The following CDH12 variants were observed in gnomAD, a reference collection of about 807,000 sequenced individuals.
CDH12 encodes the protein cadherin-12.
Under a neutral mutation model 74.1 loss-of-function variants are expected in CDH12, and 41 were observed. That is an observed-to-expected ratio of 0.55 (90% CI 0.43 to 0.72). The LOEUF (loss-of-function observed/expected upper bound fraction) is 0.72. Among genes scored for constraint, CDH12 ranks in the 30% least tolerant of loss-of-function variants. CDH12 has a pLI of 0.00. For synonymous variants in CDH12, 399 were observed against 355.0 expected, an observed-to-expected ratio of 1.12 and a Z score of -1.39; for missense variants, 945 against 977.2, an observed-to-expected ratio of 0.97 and a Z score of 0.44.
chr5:22,143,177 T>G (rs1746913806), intron 4 of CDH12: 1 of 152,268 alleles, frequency 6.6e-6, no homozygotes, highest in Admixed American at 6.6e-5. Context: ...TAGACCAAAA[T>G]AAGGCATCAT....
chr5:22,691,306 A>G (rs754954999), intron 1 of CDH12, among the ~76,000 whole-genome samples: 6 of 152,092 alleles, frequency 3.9e-5, no homozygotes, highest in Non-Finnish European at 7.4e-5. Flanking sequence ...AGATGATATT[A>G]CTATTAGTTA....
intron 4 of CDH12, among the ~76,000 whole-genome samples, chr5:22,092,551 A>C (rs1395413255): frequency 6.6e-6 from 1 of 152,212 alleles, no homozygotes; most frequent in East Asian, 1.9e-4. Flanking sequence ...ATGCAAATCG[A>C]AAACCACAGT....
chr5:21,754,656 C>T (rs113238547), intron 14 of CDH12, among the ~76,000 whole-genome samples: 5,338 of 152,216 alleles, frequency 0.035, 114 homozygotes, highest in Middle Eastern at 0.071. Flanking sequence ...CCTTTCATCT[C>T]ACTAATTATT....
At chr5:22,526,183 A>C (rs140743035) in intron 1 of CDH12, among the ~76,000 whole-genome samples, 82 of 152,248 alleles carry the variant, frequency 5.4e-4, no homozygotes, top group African/African-American at 1.9e-3. Context: ...AATTTGTGCA[A>C]AATAGAGGCT....
intron 3 of CDH12, among the ~76,000 whole-genome samples, chr5:22,250,533 G>A (rs1753101712): frequency 6.6e-6 from 1 of 152,192 alleles, no homozygotes; most frequent in Admixed American, 6.5e-5. Context: ...TTTGTTAGAT[G>A]TGGGTCACTA....
chr5:21,830,370 TTAAAAA>T (rs1432355917), intron 8 of CDH12, among the ~76,000 whole-genome samples: 1 of 151,870 alleles, frequency 6.6e-6, no homozygotes, highest in African/African-American at 2.4e-5. Context: ...AAGGAAAAAA[TTAAAAA>T]TAAACATCTT....
chr5:22,185,454 A>T (rs1361683602), intron 4 of CDH12, among the ~76,000 whole-genome samples: 1 of 152,160 alleles, frequency 6.6e-6, no homozygotes, highest in Non-Finnish European at 1.5e-5. Context: ...AAAACTATTT[A>T]TGCAGAAATG....
chr5:21,852,862 T>A (rs1177680705), intron 7 of CDH12, among the ~76,000 whole-genome samples: 1 of 151,378 alleles, frequency 6.6e-6, no homozygotes, highest in Non-Finnish European at 1.5e-5. Context: ...TGTCCATACT[T>A]CCATTTCTGG....
chr5:22,733,218 A>G (rs1056487567), intron 1 of CDH12, among the ~76,000 whole-genome samples: 4 of 151,938 alleles, frequency 2.6e-5, no homozygotes, highest in Non-Finnish European at 5.9e-5. Context: ...TAAGTAAAAA[A>G]TAATTTGTCA....
intron 1 of CDH12, among the ~76,000 whole-genome samples, chr5:22,557,143 T>C (rs1002023664): frequency 3.9e-5 from 6 of 152,110 alleles, no homozygotes; most frequent in South Asian, 2.1e-4. Context: ...CCCACTATAA[T>C]TTTTCTTTGA....
intron 6 of CDH12, among the ~76,000 whole-genome samples, chr5:21,967,593 T>C (rs1230395523): frequency 2.0e-5 from 3 of 152,202 alleles, no homozygotes; most frequent in Admixed American, 2.0e-4. Context: ...ATTTTTAACA[T>C]TTATTGCTGA....
rs915495374 is a variant in CDH12, at chr5:22,264,185, T to G, written c.-332-51542A>C. Among the ~76,000 whole-genome samples, 37 of 152,012 alleles carry G rather than the reference T, an allele frequency of 2.4e-4. 1 individual carries two copies. The highest frequency in any genetic ancestry group is 8.2e-4 in the African/African-American group (34 of 41,444). On this transcript the variant is annotated intron_variant, in intron 3 of 14. Transcript: ENST00000382254. The stretch of plus-strand genomic sequence containing the variant: ...GAGACAAAAATATATGAACTTACTT[T>G]ACATATATTTGATTGTGGTTTTTTT...
chr5:22,560,539 A>G (rs1271186732), intron 1 of CDH12, among the ~76,000 whole-genome samples: 2 of 152,172 alleles, frequency 1.3e-5, no homozygotes, highest in Non-Finnish European at 2.9e-5. Flanking sequence ...AAGCAAAAAT[A>G]TTAACAGCAA....
intron 5 of CDH12, among the ~76,000 whole-genome samples, chr5:22,012,596 T>C (rs1337567064): frequency 6.6e-6 from 1 of 152,156 alleles, no homozygotes; most frequent in Non-Finnish European, 1.5e-5. Flanking sequence ...AGAATTGTAA[T>C]AGAGTTTAGT....
chr5:22,247,649 T>C lies in CDH12; in HGVS notation c.-332-35006A>G, dbSNP rs571962786. On this transcript the variant is annotated intron_variant, in intron 3 of 14. Coordinates refer to ENST00000382254, the MANE Select transcript of CDH12 (RefSeq NM_004061.5). ...GAGATCACATCACTGCACTCCAGCC[T>C]GGGCGACAGAGTGAGACTCCGTCAA... Among the ~76,000 whole-genome samples the C allele has an allele frequency of 6.0e-5, 9 of 149,330 alleles. No individual in the cohort carries two copies. In the East Asian group the frequency reaches 1.8e-3, roughly 30 times the overall value.
intron 1 of CDH12, among the ~76,000 whole-genome samples, chr5:22,808,732 T>C (rs1204739913): frequency 6.8e-6 from 1 of 146,446 alleles, no homozygotes; most frequent in African/African-American, 2.5e-5. Flanking sequence ...AGCCTGTAGC[T>C]GAGACTACAG....
At chr5:22,273,583 A>G (rs1411364456) in intron 3 of CDH12, among the ~76,000 whole-genome samples, 1 of 152,168 alleles carries the variant, frequency 6.6e-6, no homozygotes, top group African/African-American at 2.4e-5. Context: ...TTGTTTCTGT[A>G]TGATTGATGA....
intron 1 of CDH12, among the ~76,000 whole-genome samples, chr5:22,577,313 G>A (rs1739845832): frequency 6.6e-6 from 1 of 152,150 alleles, no homozygotes; most frequent in South Asian, 2.1e-4. Flanking sequence ...TTAAATTATA[G>A]AACGGATAAG....
chr5:22,075,823 G>C (rs970176463), intron 5 of CDH12, among the ~76,000 whole-genome samples: 1 of 151,916 alleles, frequency 6.6e-6, no homozygotes, highest in African/African-American at 2.4e-5. Context: ...ACTTTTCCTA[G>C]GCATTTTTGC....
Sources: gnomAD v4.1 joint callset for allele counts (sites outside exome capture counted in the v4.1 genomes callset) on GRCh38, gnomAD v4.1.1 for gene constraint, MANE v1.5 for transcripts, NCBI Gene and HGNC (gene_info 2026-07-23, HGNC 2026-07-21) for gene names.